Variants in CWC25 observed in about 807,000 individuals in gnomAD.
CWC25 encodes the protein pre-mRNA-splicing factor CWC25 homolog.
A neutral mutation model predicts 54.6 loss-of-function variants in CWC25; 31 were observed. That is an observed-to-expected ratio of 0.57 (90% CI 0.43 to 0.77). The LOEUF (loss-of-function observed/expected upper bound fraction) is 0.77, where lower values mean the gene tolerates loss of function less well. CWC25 is among the 30% of genes least tolerant of loss of function. The probability of loss-of-function intolerance (pLI) is 0.00; values close to 1 mark genes in which losing one functional copy is unlikely to be tolerated. For synonymous variants in CWC25, 151 were observed against 187.0 expected (o/e 0.81, Z 1.57); for missense variants, 453 against 529.3 (o/e 0.86, Z 1.41).
chr17:38,823,469 T>TAA (rs1220000846), intron 1 of CWC25, among the ~76,000 whole-genome samples: 1 of 139,832 alleles, frequency 7.2e-6, no homozygotes, highest in Admixed American at 7.2e-5. Flanking sequence ...GACTCCATCT[T>TAA]AAAAAAAAAA....
At position 38,820,802 on chromosome 17, in the gene CWC25, T is replaced by C. The variant is rs147711300; in HGVS notation, c.191+99A>G. ...CAGGTGAGTCTGGCATTACAACCCA[T>C]GCCCTTAAGCACTCAGCCATTATAC... On this transcript the variant is annotated intron_variant, in intron 2 of 9. Transcript: ENST00000614790. The C allele has an allele frequency of 2.6e-5, 35 of 1,372,356 alleles. No individual in the cohort carries two copies. The Admixed American group carries it at 8.3e-4, about 33-fold the overall frequency. 85.0% of individuals were successfully genotyped at this position (1,372,356 alleles called of 1,614,324 possible). A position where few individuals can be genotyped will look rare whatever the true frequency, so the allele number is the denominator to read the frequency against.
chr17:38,802,699 C>T lies in CWC25; in HGVS notation c.1163+1G>A. 6.2e-7 allele frequency: 1 copy of T among 1,613,946 alleles called. No homozygotes were observed. Among genetic ancestry groups the T allele is most frequent in the Non-Finnish European group, 8.5e-7 (1 of 1,179,840 alleles). On this transcript the variant is annotated splice_donor_variant, in intron 9 of 9. Transcript: ENST00000614790. LOFTEE classifies it high-confidence loss of function. ...CCCTGGCAGGAAGAAGATGCACTCA[C>T]TGGATGAACTTCCCATCCCGGGAGT...
chr17:38,822,367 C>T (rs1219159018), intron 1 of CWC25, among the ~76,000 whole-genome samples: 1 of 152,036 alleles, frequency 6.6e-6, no homozygotes, highest in Non-Finnish European at 1.5e-5. Context: ...CTGGCATGGA[C>T]ATTCATTCTT....
chr17:38,823,722 C>A (rs190743296), intron 1 of CWC25, among the ~76,000 whole-genome samples: 2 of 152,240 alleles, frequency 1.3e-5, no homozygotes, highest in African/African-American at 4.8e-5. Context: ...TCACTCCCTC[C>A]CTCTTTCTCC....
Position 38,800,978 on chromosome 17 carries a change from G to A in CWC25, c.*1114C>T, listed in dbSNP as rs540181559. 6.6e-6 allele frequency: 1 copy of A among 152,158 alleles called. No individual in the cohort carries two copies. The highest frequency in any genetic ancestry group is 1.5e-5 in the Non-Finnish European group (1 of 68,034). 9.4% of individuals were successfully genotyped at this position (152,158 alleles called of 1,614,324 possible). A position where few individuals can be genotyped will look rare whatever the true frequency, so the allele number is the denominator to read the frequency against. On this transcript the variant is annotated 3_prime_UTR_variant, in exon 10 of 10. Transcript: ENST00000614790. ...TTTTGTATTTTTTTAGTAGAGACGG[G>A]GTTTCACCGTGTTCGCCAGGATGGT...
rs900322961 is a variant in CWC25 at position 38,803,986 on chromosome 17, A to G, written c.1002-1125T>C. Among the ~76,000 whole-genome samples, 6 of 152,144 alleles carry G rather than the reference A, an allele frequency of 3.9e-5. No individual in the cohort carries two copies. The South Asian group carries it at 1.0e-3, about 26-fold the overall frequency. On this transcript the variant is annotated intron_variant, in intron 8 of 9. Transcript: ENST00000614790. The stretch of plus-strand genomic sequence containing the variant: ...GTTGAACCTGGGAGTGTGAGGCTGC[A>G]GTAAGCCATGATCGCCCCACTGCAC...
rs1443005207 is a variant in CWC25, at chr17:38,806,760, C to T, written c.902+5G>A. ...AGGTTATTTCCCAGTGAATCCCACA[C>T]TCACAGTTTGCTGGGTCTTGGGGAC... On this transcript the variant is annotated splice_donor_5th_base_variant and intron_variant, in intron 7 of 9. Coordinates refer to ENST00000614790, the MANE Select transcript of CWC25 (RefSeq NM_017748.5). The T allele has an allele frequency of 1.9e-6, 3 of 1,567,810 alleles. No homozygotes were observed. The highest frequency in any genetic ancestry group is 2.6e-6 in the Non-Finnish European group (3 of 1,159,780).
chr17:38,809,352 C>T (rs1380008287), intron 6 of CWC25, among the ~76,000 whole-genome samples: 3 of 149,056 alleles, frequency 2.0e-5, no homozygotes, highest in Non-Finnish European at 3.0e-5. Flanking sequence ...AGCTTGAACC[C>T]GGAAGGCAGA....
chr17:38,819,693 G>A (rs1460984575), intron 2 of CWC25, among the ~76,000 whole-genome samples: 21 of 144,676 alleles, frequency 1.5e-4, no homozygotes, highest in South Asian at 2.2e-4. Context: ...TTGTTTGTTC[G>A]TTTTTTTGAG....
chr17:38,807,633 G>A (rs1453810912), intron 6 of CWC25, among the ~76,000 whole-genome samples: 1 of 138,568 alleles, frequency 7.2e-6, no homozygotes, highest in African/African-American at 2.6e-5. Flanking sequence ...GCACACGCCT[G>A]TAGTCCCAGC....
chr17:38,814,977 C>T lies in CWC25; in HGVS notation c.312G>A (p.Glu104=), dbSNP rs1464243723. Reference sequence around the variant, plus strand: ...GTCCTGTTTCAGAAGAGCAGCCTGCCTCCTTCTCCTCCATCTTCTCAAAAA... The same window carrying T: ...GTCCTGTTTCAGAAGAGCAGCCTGCTTCCTTCTCCTCCATCTTCTCAAAAA... ...KYVFEKMEEK[E]AGCSSETGLL... is the part of the protein sequence containing the mutation. Residue 104 remains glutamate (E), a synonymous_variant, in exon 3 of 10, where the codon GAG becomes GAA. Coordinates refer to ENST00000614790, the MANE Select transcript of CWC25 (RefSeq NM_017748.5). 3 of 1,613,626 alleles carry T rather than the reference C, an allele frequency of 1.9e-6. No individual in the cohort carries two copies. The African/African-American group carries it at 4.0e-5, about 22-fold the overall frequency.
chr17:38,810,691 G>A (rs1911449347), intron 4 of CWC25, 96 bp from the exon 5 acceptor site: 3 of 714,870 alleles, frequency 4.2e-6, no homozygotes, highest in Non-Finnish European at 7.6e-6. Flanking sequence ...AGGCTGAGTG[G>A]AGCAGATCAT....
Position 38,825,287 on chromosome 17 carries a change from C to G in CWC25, c.-104G>C, listed in dbSNP as rs74911492. 3,437 of 1,271,120 alleles carry G rather than the reference C, an allele frequency of 2.7e-3. 74 individuals carry two copies. The African/African-American group carries it at 0.046, about 17-fold the overall frequency. 78.7% of individuals were successfully genotyped at this position (1,271,120 alleles called of 1,614,324 possible). On this transcript the variant is annotated 5_prime_UTR_variant, in exon 1 of 10. Transcript: ENST00000614790. ...GGGGCTACCTCGCGGGATCTAGTCC[C>G]AGGAGCCGTCAACTGCCAGTTTCAC... is the stretch of plus-strand genomic sequence containing the variant.
intron 1 of CWC25, among the ~76,000 whole-genome samples, chr17:38,821,940 T>G (rs1172860465): frequency 1.3e-5 from 2 of 151,886 alleles, no homozygotes; most frequent in African/African-American, 4.8e-5. Flanking sequence ...GGCTAATTTT[T>G]GTATTTTTTA....
At chr17:38,811,390 G>A (rs1176963293) in intron 4 of CWC25, among the ~76,000 whole-genome samples, 1 of 151,906 alleles carries the variant, frequency 6.6e-6, no homozygotes, top group African/African-American at 2.4e-5. Flanking sequence ...AAAATTAGCT[G>A]GGCATGGTAG....
chr17:38,816,614 A>G (rs1389533654), intron 2 of CWC25, among the ~76,000 whole-genome samples: 2 of 152,086 alleles, frequency 1.3e-5, no homozygotes, highest in African/African-American at 4.8e-5. Flanking sequence ...GTGAGCATAA[A>G]GAATGTTTTC....
intron 1 of CWC25, 68 bp from the exon 2 acceptor site, chr17:38,821,141 G>T: frequency 6.6e-7 from 1 of 1,506,398 alleles, no homozygotes. Flanking sequence ...AACTAGCCCT[G>T]CCTCACCCAC....
At chr17:38,815,484 G>A (rs1911660772) in intron 2 of CWC25, 5 of 422,982 alleles carry the variant, frequency 1.2e-5, no homozygotes, top group Admixed American at 2.8e-5. Context: ...TTGAACCTGG[G>A]AGGCAGAGGT....
intron 7 of CWC25, 139 bp from the exon 8 acceptor site, chr17:38,806,534 G>A: frequency 1.2e-6 from 1 of 806,432 alleles, no homozygotes; most frequent in Non-Finnish European, 2.0e-6. Flanking sequence ...TATAGGGTTT[G>A]ATGTTAGACT....
Sources: allele counts gnomAD v4.1 joint callset (sites outside exome capture counted in the v4.1 genomes callset), GRCh38; gene constraint gnomAD v4.1.1; transcripts MANE v1.5; gene names NCBI Gene and HGNC (gene_info 2026-07-23, HGNC 2026-07-21).